The following CSPG4 variants were observed in gnomAD, a reference collection of about 807,000 sequenced individuals.
CSPG4 encodes the protein chondroitin sulfate proteoglycan 4 (melanoma-associated).
CSPG4 carries 74 observed loss-of-function variants against 139.3 expected under a neutral mutation model. That is an observed-to-expected ratio of 0.53 (90% CI 0.44 to 0.64). The LOEUF is 0.64. CSPG4 is among the 30% of genes least tolerant of loss of function. CSPG4 has a pLI of 0.00. For missense variants in CSPG4, 2,565 were observed against 3,148.3 expected (o/e 0.81, Z 4.43); for synonymous variants, 1,234 against 1,394.2 (o/e 0.89, Z 2.56).
intron 3 of CSPG4, among the ~76,000 whole-genome samples, chr15:75,686,470 A>G (rs928985119): frequency 6.7e-6 from 1 of 149,810 alleles, no homozygotes; most frequent in South Asian, 2.1e-4. Flanking sequence ...GGGCTCCCTC[A>G]CCTGATGGGC....
chr15:75,689,832 C>A lies in CSPG4; in HGVS notation c.1233G>T (p.Leu411=), dbSNP rs1894133963. The A allele has an allele frequency of 1.2e-6, 2 of 1,612,598 alleles. No homozygotes were observed. The highest frequency in any genetic ancestry group is 1.7e-5 in the Admixed American group (1 of 59,996). ...LAPEAWPAME[L]PEPCVPEPGL... ...CTGGCTCAGGCACGCATGGCTCAGG[C>A]AGCTCCATGGCTGGCCAAGCCTCAG... The change falls in exon 3 of 10, where the codon CTG becomes CTT. Residue 411 remains leucine (L), a synonymous_variant. Coordinates refer to ENST00000308508, the MANE Select transcript of CSPG4 (RefSeq NM_001897.5).
intron 9 of CSPG4, 109 bp downstream of exon 9, chr15:75,677,594 G>A: frequency 7.4e-7 from 1 of 1,342,750 alleles, no homozygotes; most frequent in African/African-American, 1.5e-5. Flanking sequence ...TGACTTCCCA[G>A]GTCCTGGGGG....
At chr15:75,705,507 T>C (rs1330663698) in intron 1 of CSPG4, among the ~76,000 whole-genome samples, 1 of 152,244 alleles carries the variant, frequency 6.6e-6, no homozygotes, top group African/African-American at 2.4e-5. Flanking sequence ...TCTTGCTTAA[T>C]CCTTACAACA....
In CSPG4 at chr15:75,685,256, G is replaced by A; in HGVS notation, c.4235C>T (p.Pro1412Leu). The A allele has an allele frequency of 6.5e-7, 1 of 1,541,504 alleles. No individual in the cohort carries two copies. Reference protein sequence around the residue: ...QHGALQKEDGPQARTLSAFSW... With the variant: ...QHGALQKEDGLQARTLSAFSW... ...GAAGGCGCTGAGGGTCCTGGCTTGA[G>A]GTCCGTCCTCCTTCTGCAGGGCTCC... The change falls in exon 4 of 10, where the codon CCT (proline) becomes CTT (leucine). Residue 1412 changes from proline (P) to leucine (L), a missense_variant. Pro to Leu is a moderately conservative substitution (Grantham distance 98). Coordinates refer to ENST00000308508, the MANE Select transcript of CSPG4 (RefSeq NM_001897.5).
At position 75,675,424 on chromosome 15, in the gene CSPG4, C is replaced by T; in HGVS notation, c.*126G>A. 1 of 1,074,548 alleles carries T rather than the reference C, an allele frequency of 9.3e-7. No homozygotes were observed. Among genetic ancestry groups the T allele is most frequent in the Non-Finnish European group, 1.2e-6 (1 of 816,434 alleles). 66.6% of individuals were successfully genotyped at this position (1,074,548 alleles called of 1,614,324 possible). A position where few individuals can be genotyped will look rare whatever the true frequency, so the allele number is the denominator to read the frequency against. Reference sequence around the variant, plus strand: ...GGGACTATCTCCCAGGACCCTCCACCCCTGGTGTCTCCAGGTCTCTCTTGC... The same window carrying T: ...GGGACTATCTCCCAGGACCCTCCACTCCTGGTGTCTCCAGGTCTCTCTTGC... On this transcript the variant is annotated 3_prime_UTR_variant, in exon 10 of 10. Coordinates refer to ENST00000308508, the MANE Select transcript of CSPG4 (RefSeq NM_001897.5).
rs143619498 is a variant in CSPG4, at chr15:75,686,682, C to T, written c.3789+594G>A. Among the ~76,000 whole-genome samples the T allele has an allele frequency of 6.2e-3, 947 of 152,302 alleles. 6 individuals are homozygous for T. The highest frequency in any genetic ancestry group is 0.035 in the Admixed American group (538 of 15,288). On this transcript the variant is annotated intron_variant, in intron 3 of 9. Transcript: ENST00000308508. Reference sequence around the variant, plus strand: ...CTGGCTTGCTGTCGGCCCCAAGCTCCAGACATGCAGACCAGAAGGGTCTCC... The same window carrying T: ...CTGGCTTGCTGTCGGCCCCAAGCTCTAGACATGCAGACCAGAAGGGTCTCC...
rs769192986 is a variant in CSPG4 at position 75,687,465 on chromosome 15, G to A, written c.3600C>T (p.Ser1200=). The change falls in exon 3 of 10, where the codon AGC becomes AGT. Residue 1200 remains serine, a synonymous_variant. Coordinates refer to ENST00000308508, the MANE Select transcript of CSPG4 (RefSeq NM_001897.5). The surrounding 1 kb of genome is among the most constrained non-coding windows in gnomAD (Gnocchi z 5.4). ...QDLLDGAVLY[S]HNGSLSPRDT... ...CGCGGGGGCTGAGGCTGCCATTGTG[G>A]CTATAGAGAACGGCCCCATCCAGCA... is the stretch of plus-strand genomic sequence containing the variant. The A allele has an allele frequency of 6.2e-7, 1 of 1,612,466 alleles. No individual in the cohort carries two copies. Among genetic ancestry groups the A allele is most frequent in the Non-Finnish European group, 8.5e-7 (1 of 1,179,694 alleles).
At position 75,693,142 on chromosome 15, in the gene CSPG4, G is replaced by A. The variant is rs1234206876; in HGVS notation, c.180C>T (p.Pro60=). The change falls in exon 2 of 10, where the codon CCC becomes CCT. Residue 60 remains proline, a synonymous_variant. Transcript: ENST00000308508. ...CTGCTGCCAGGAGAAGGAGGGCTTC[G>A]GGCTGGGACGTGGAGAACTGCAGCT... ...DLQLQFSTSQ[P]EALLLLAAGP... The A allele has an allele frequency of 6.9e-6, 11 of 1,596,794 alleles. No homozygotes were observed. In the East Asian group the frequency reaches 1.6e-4, roughly 23 times the overall value.
chr15:75,690,601 C>T lies in CSPG4; in HGVS notation c.464G>A (p.Gly155Asp). 1 of 1,608,766 alleles carries T rather than the reference C, an allele frequency of 6.2e-7. No homozygotes were observed. The highest frequency in any genetic ancestry group is 8.5e-7 in the Non-Finnish European group (1 of 1,178,412). The change falls in exon 3 of 10, where the codon GGC becomes GAC. Residue 155 changes from glycine (G) to aspartate (D), a missense_variant. By Grantham distance (94) the Gly-to-Asp change is moderately conservative. Around this residue, in one of 5 missense-constraint regions of CSPG4, gnomAD observed 132 missense variants for 132.3 expected, o/e 1.00. Transcript: ENST00000308508. ...GCTGGTTCCCCTCAGGTAGGGCAGG[C>T]CAAGGGTCCCAGTGCCCCCAACAAA... is the stretch of plus-strand genomic sequence containing the variant. ...GLFVGGTGTLGLPYLRGTSRP... is the reference protein window; with the variant it reads ...GLFVGGTGTLDLPYLRGTSRP...
chr15:75,710,833 C>T (rs1367634500), intron 1 of CSPG4, among the ~76,000 whole-genome samples: 1 of 151,954 alleles, frequency 6.6e-6, no homozygotes, highest in Non-Finnish European at 1.5e-5. Flanking sequence ...GCTCTCACAG[C>T]CCCTCCTCAT....
In CSPG4 at chr15:75,677,263, T is replaced by C; in HGVS notation, c.5256A>G (p.Thr1752=). The change falls in exon 10 of 10, where the codon ACA becomes ACG. Residue 1752 remains threonine (T), a synonymous_variant. Coordinates refer to ENST00000308508, the MANE Select transcript of CSPG4 (RefSeq NM_001897.5). ...RSEHDVLFQV[T]QFPSRGQLLV... ...ACAGCTGGCCCCGGCTGGGGAACTGTGTGACCTGGAAGAGCACATCATGCT... is the reference window on the plus strand; with the variant it reads ...ACAGCTGGCCCCGGCTGGGGAACTGCGTGACCTGGAAGAGCACATCATGCT... 6.7e-7 allele frequency: 1 copy of C among 1,497,166 alleles called. No individual in the cohort carries two copies. The highest frequency in any genetic ancestry group is 1.4e-5 in the African/African-American group (1 of 71,624). 92.7% of individuals were successfully genotyped at this position (1,497,166 alleles called of 1,614,324 possible).
intron 8 of CSPG4, chr15:75,678,643 T>C (rs1596005766): frequency 2.2e-6 from 1 of 455,994 alleles, no homozygotes; most frequent in Non-Finnish European, 4.4e-6. Flanking sequence ...CAGGAGGCAC[T>C]GCACCTGGCC....
At chr15:75,713,330 G>A (rs1222917330), upstream of CSPG4, among the ~76,000 whole-genome samples, 2 of 152,196 alleles carry the variant, frequency 1.3e-5, no homozygotes, top group Non-Finnish European at 2.9e-5. Context: ...GGTCCTGTGG[G>A]GCACTGCCCA....
intron 1 of CSPG4, among the ~76,000 whole-genome samples, chr15:75,695,581 T>A (rs1894215526): frequency 6.6e-6 from 1 of 152,176 alleles, no homozygotes; most frequent in Non-Finnish European, 1.5e-5. Context: ...TCCCTCCACC[T>A]CCTGGTCTCC....
chr15:75,689,668 G>A lies in CSPG4; in HGVS notation c.1397C>T (p.Ser466Phe). Reference protein sequence around the residue: ...LDLMEAELRKSQVLFSVTRGA... With the variant: ...LDLMEAELRKFQVLFSVTRGA... Reference sequence around the variant, plus strand: ...TCGGGTCACGCTGAACAGCACCTGGGATTTGCGCAGCTCAGCCTCCATCAG... The same window carrying A: ...TCGGGTCACGCTGAACAGCACCTGGAATTTGCGCAGCTCAGCCTCCATCAG... Residue 466 changes from serine (S) to phenylalanine (F), a missense_variant, in exon 3 of 10, where the codon TCC becomes TTC. By Grantham distance (155) the Ser-to-Phe change is radical. Transcript: ENST00000308508. 1.2e-6 allele frequency: 2 copies of A among 1,612,954 alleles called. No individual in the cohort carries two copies. Among genetic ancestry groups the A allele is most frequent in the Non-Finnish European group, 1.7e-6 (2 of 1,179,876 alleles).
In CSPG4 at chr15:75,698,696, C is replaced by A. The variant is rs2141435803; in HGVS notation, c.89-5463G>T. The stretch of plus-strand genomic sequence containing the variant: ...GTCCCCTCCCCAGCACATTGGTCTC[C>A]CTGGGCTCCTCAGGCAAGGGAGAAG... On this transcript the variant is annotated intron_variant, in intron 1 of 9. Transcript: ENST00000308508. The surrounding 1 kb of genome is among the most constrained non-coding windows in gnomAD (Gnocchi z 4.3). 6.6e-6 allele frequency among the ~76,000 whole-genome samples: 1 copy of A among 152,146 alleles called. No homozygotes were observed. Among genetic ancestry groups the A allele is most frequent in the South Asian group, 2.1e-4 (1 of 4,802 alleles).
rs776096236 is a variant in CSPG4 at position 75,688,812 on chromosome 15, G to A, written c.2253C>T (p.His751=). Residue 751 remains histidine (H), a synonymous_variant, in exon 3 of 10, where the codon CAC becomes CAT. Transcript: ENST00000308508. ...VRYLSTDPQH[H]AYDTVENLAL... ...CCAGGTTCTCCACGGTGTCGTAAGC[G>A]TGGTGCTGTGGGTCAGTGCTCAGGT... The A allele has an allele frequency of 1.5e-5, 25 of 1,612,920 alleles. No homozygotes were observed. In the East Asian group the frequency reaches 2.0e-4, roughly 13 times the overall value.
Position 75,677,585 on chromosome 15 carries a change from G to C in CSPG4, c.5134+118C>G. ...AAGCTTCCCCACTCACCCTCCCTGT[G>C]ACTTCCCAGGTCCTGGGGGCTGAGA... On this transcript the variant is annotated intron_variant, in intron 9 of 9. Transcript: ENST00000308508. The C allele has an allele frequency of 3.1e-6, 4 of 1,297,688 alleles. No individual in the cohort carries two copies. The African/African-American group carries it at 6.0e-5, about 19-fold the overall frequency. 80.4% of individuals were successfully genotyped at this position (1,297,688 alleles called of 1,614,324 possible).
chr15:75,683,113 C>T (rs1458145947), intron 5 of CSPG4, 72 bp from the exon 6 acceptor site: 31 of 1,438,110 alleles, frequency 2.2e-5, no homozygotes, highest in Non-Finnish European at 2.9e-5. Flanking sequence ...CCCTGGGCTG[C>T]CACCAGGGCT....
Sources: gnomAD v4.1 joint callset for allele counts (sites outside exome capture counted in the v4.1 genomes callset) on GRCh38, gnomAD v4.1.1 for gene constraint, gnomAD v4.1.1 regional missense constraint, Gnocchi (gnomAD v3.1) non-coding constraint, MANE v1.5 for transcripts, NCBI Gene and HGNC (gene_info 2026-07-23, HGNC 2026-07-21) for gene names.